MICALL2: variants seen among roughly 807,000 people sequenced by gnomAD.
The protein encoded by MICALL2 is MICAL like 2.
MICALL2 carries 111 observed loss-of-function variants against 91.1 expected under a neutral mutation model. The ratio of observed to expected loss-of-function variants is 1.22; its 90% confidence interval spans 1.04 to 1.43. MICALL2 has a LOEUF of 1.43. Ranked by LOEUF, MICALL2 falls within the 40% of genes most tolerant of loss-of-function variation. The pLI, the probability that MICALL2 is intolerant of heterozygous loss-of-function variation, is 0.00. For missense variants in MICALL2, 1,556 were observed against 1,236.0 expected, an observed-to-expected ratio of 1.26 and a Z score of -3.88; for synonymous variants, 694 against 525.3, an observed-to-expected ratio of 1.32 and a Z score of -4.39.
chr7:1,440,515 G>A, intron 8 of MICALL2, 76 bp downstream of exon 8: 1 of 1,318,652 alleles, frequency 7.6e-7, no homozygotes. Context: ...GTGTCAATCG[G>A]TCGATTACAT....
At chr7:1,450,176 G>A (rs549736150) in intron 2 of MICALL2, 64 bp downstream of exon 2, 12 of 1,372,986 alleles carry the variant, frequency 8.7e-6, no homozygotes, top group African/African-American at 1.4e-5. Context: ...TCGGTCCCTC[G>A]GACGTGGGTG....
Position 1,445,369 on chromosome 7 carries a change from C to CA in MICALL2, c.700_701insT (p.Gly234ValfsTer91), listed in dbSNP as rs1780525325. 1 of 1,588,146 alleles carries CA rather than the reference C, an allele frequency of 6.3e-7. No homozygotes were observed. The highest frequency in any genetic ancestry group is 8.5e-7 in the Non-Finnish European group (1 of 1,173,032). ...GAGGTGGCTGGTGCAGACGAAGGTGCCCGGCTCTCCTGTGGCCTTGTAGGC... is the reference window on the plus strand; with the variant it reads ...GAGGTGGCTGGTGCAGACGAAGGTGCACCGGCTCTCCTGTGGCCTTGTAGGC... On this transcript the variant is annotated frameshift_variant, in exon 6 of 17. Transcript: ENST00000297508. LOFTEE classifies it high-confidence loss of function.
chr7:1,446,801 T>C lies in MICALL2; in HGVS notation c.553A>G (p.Ser185Gly). The C allele has an allele frequency of 6.2e-7, 1 of 1,601,754 alleles. No homozygotes were observed. The highest frequency in any genetic ancestry group is 8.5e-7 in the Non-Finnish European group (1 of 1,174,594). The part of the protein sequence containing the change: ...TDQALAGSLV[S>G]STCGVCGKHV... ...TTGCCGCAGACCCCGCAGGTGCTGCTGACCAAGCTGCCCGCCAATGCCTGG... is the reference window on the plus strand; with the variant it reads ...TTGCCGCAGACCCCGCAGGTGCTGCCGACCAAGCTGCCCGCCAATGCCTGG... The change falls in exon 5 of 17, where the codon AGC becomes GGC. Residue 185 changes from serine to glycine, a missense_variant. Coordinates refer to ENST00000297508, the MANE Select transcript of MICALL2 (RefSeq NM_182924.4).
intron 1 of MICALL2, among the ~76,000 whole-genome samples, chr7:1,455,866 T>G (rs1407459543): frequency 6.6e-6 from 1 of 151,962 alleles, no homozygotes; most frequent in East Asian, 1.9e-4. Flanking sequence ...GGGTCTTCAC[T>G]GGAAGGAGAG....
chr7:1,438,167 G>T lies in MICALL2; in HGVS notation c.2241C>A (p.Ile747=). 6.4e-7 allele frequency: 1 copy of T among 1,567,224 alleles called. No individual in the cohort carries two copies. Among genetic ancestry groups the T allele is most frequent in the Non-Finnish European group, 8.6e-7 (1 of 1,156,144 alleles). The change falls in exon 12 of 17, where the codon ATC becomes ATA. Residue 747 remains isoleucine (I), a synonymous_variant. Transcript: ENST00000297508. ...GCTCCAGGGCGTCCAGCCGCCTCTC[G>T]ATGTCCTGCAGCTGCCTCTGTATCT... The part of the protein sequence containing the change: ...PEEIQRQLQD[I]ERRLDALELR...
intron 5 of MICALL2, 113 bp from the exon 6 acceptor site, chr7:1,445,541 G>A: frequency 9.5e-7 from 1 of 1,053,858 alleles, no homozygotes; most frequent in Non-Finnish European, 1.3e-6. Context: ...TTGCGAGGTT[G>A]CTGAACGCCC....
chr7:1,459,148 CA>C (rs1452056260), intron 1 of MICALL2, 35 bp downstream of exon 1: 26 of 1,584,488 alleles, frequency 1.6e-5, no homozygotes, highest in Non-Finnish European at 2.0e-5. Context: ...CGCAGCCGAA[CA>C]GCAGAAGAAT....
intron 8 of MICALL2, chr7:1,440,363 G>T (rs1013106264): frequency 1.6e-6 from 1 of 625,558 alleles, no homozygotes; most frequent in Non-Finnish European, 2.8e-6. Flanking sequence ...GGCATGGTGC[G>T]TGAACCCACA....
rs1562466473 is a variant in MICALL2 at position 1,451,052 on chromosome 7, G to A, written c.144-764C>T. On this transcript the variant is annotated intron_variant, in intron 1 of 16. Transcript: ENST00000297508. This position sits in a 1 kb window ranked among gnomAD's most constrained non-coding sequence, Gnocchi z 4.5. ...CATGGTTCTCTCTTTGGGTGGTGGA[G>A]TGCCTTCCCAGGTGCTCAGCGAGGG... Among the ~76,000 whole-genome samples, 2 of 152,190 alleles carry A rather than the reference G, an allele frequency of 1.3e-5. No homozygotes were observed. The highest frequency in any genetic ancestry group is 2.9e-5 in the Non-Finnish European group (2 of 68,020).
chr7:1,445,463 C>A, intron 5 of MICALL2, 35 bp from the exon 6 acceptor site: 1 of 1,458,684 alleles, frequency 6.9e-7, no homozygotes, highest in Non-Finnish European at 9.0e-7. Flanking sequence ...CCCAGCTCGG[C>A]ACCGCCCACC....
intron 10 of MICALL2, 24 bp from the exon 11 acceptor site, chr7:1,438,377 T>A (rs777693310): frequency 6.3e-7 from 1 of 1,588,472 alleles, no homozygotes; most frequent in South Asian, 1.1e-5. Context: ...AGGGTGAGCC[T>A]CTGGGACCTG....
chr7:1,439,828 C>A, intron 9 of MICALL2, 97 bp downstream of exon 9: 1 of 1,115,422 alleles, frequency 9.0e-7, no homozygotes, highest in Non-Finnish European at 1.2e-6. Context: ...TCCGCACACC[C>A]CAGGAGGTGG....
rs139735568 is a variant in MICALL2 at position 1,442,243 on chromosome 7, G to A, written c.1660C>T (p.Pro554Ser). ...GVGRVGAGSR[P>S]KPEAPMAKGK... ...TTTGCCATCGGGGCCTCTGGCTTCG[G>A]CCTGGAGCCAGCACCCACCCTGCCG... Residue 554 changes from proline (P) to serine (S), a missense_variant, in exon 7 of 17, where the codon CCG becomes TCG. Pro to Ser is a moderately conservative substitution (Grantham distance 74, BLOSUM62 -1). Coordinates refer to ENST00000297508, the MANE Select transcript of MICALL2 (RefSeq NM_182924.4). The A allele has an allele frequency of 3.1e-6, 5 of 1,612,694 alleles. No individual in the cohort carries two copies. In the African/African-American group the frequency reaches 5.3e-5, roughly 17 times the overall value.
At chr7:1,457,764 G>T (rs1449932321) in intron 1 of MICALL2, among the ~76,000 whole-genome samples, 1 of 152,242 alleles carries the variant, frequency 6.6e-6, no homozygotes, top group African/African-American at 2.4e-5. Context: ...GCAGCCGGTG[G>T]CAACGCCTCT....
At position 1,452,974 on chromosome 7, in the gene MICALL2, CGATGCACCCGCCAGGCCCTCCCCA is replaced by C. The variant is rs1160863734; in HGVS notation, c.144-2710_144-2687del. Reference sequence around the variant, plus strand: ...AGAACAGCTTTTCCCACACTCCGCCCGATGCACCCGCCAGGCCCTCCCCAGATGCACCTTGCTGTCCCCGAGCTC... The same window carrying C: ...AGAACAGCTTTTCCCACACTCCGCCCGATGCACCTTGCTGTCCCCGAGCTC... On this transcript the variant is annotated intron_variant, in intron 1 of 16. Coordinates refer to ENST00000297508, the MANE Select transcript of MICALL2 (RefSeq NM_182924.4). The surrounding 1 kb of genome is among the most constrained non-coding windows in gnomAD (Gnocchi z 6.2). Among the ~76,000 whole-genome samples, 12 of 151,878 alleles carry C rather than the reference CGATGCACCCGCCAGGCCCTCCCCA, an allele frequency of 7.9e-5. No individual in the cohort carries two copies. The highest frequency in any genetic ancestry group is 2.4e-4 in the African/African-American group (10 of 41,338).
chr7:1,458,931 C>T (rs1781113605), intron 1 of MICALL2, among the ~76,000 whole-genome samples: 1 of 152,218 alleles, frequency 6.6e-6, no homozygotes, highest in Admixed American at 6.5e-5. Flanking sequence ...GAAGCCAGGG[C>T]CCAGGAGCCG....
intron 2 of MICALL2, among the ~76,000 whole-genome samples, chr7:1,449,483 G>C (rs114015486): frequency 0.042 from 6,467 of 152,222 alleles, 450 homozygotes; most frequent in African/African-American, 0.15. Context: ...CTAATTTTTG[G>C]TATTTTTAGT....
chr7:1,439,901 C>A (rs779327645), intron 9 of MICALL2, 24 bp downstream of exon 9: 3 of 1,411,276 alleles, frequency 2.1e-6, no homozygotes, highest in Middle Eastern at 2.2e-4. Context: ...AACCCGGGGG[C>A]CCCTGGGTCC....
At position 1,445,255 on chromosome 7, in the gene MICALL2, G is replaced by A. The variant is rs138634207; in HGVS notation, c.815C>T (p.Ser272Phe). ...AMGVDSRTSC[S>F]PQKAQEANKA... ...GTTTGCCTCCTGGGCCTTCTGTGGG[G>A]AACAGGAGGTCCTGGAATCCACACC... is the stretch of plus-strand genomic sequence containing the variant. The change falls in exon 6 of 17, where the codon TCC (serine) becomes TTC (phenylalanine). Residue 272 changes from serine to phenylalanine, a missense_variant. By Grantham distance (155) the Ser-to-Phe change is radical (BLOSUM62 -2). Coordinates refer to ENST00000297508, the MANE Select transcript of MICALL2 (RefSeq NM_182924.4). 1.3e-3 allele frequency: 2,146 copies of A among 1,612,406 alleles called. 3 individuals carry two copies. Among genetic ancestry groups the A allele is most frequent in the Non-Finnish European group, 1.4e-3 (1,704 of 1,179,820 alleles).
Sources: allele counts gnomAD v4.1 joint callset (sites outside exome capture counted in the v4.1 genomes callset), GRCh38; gene constraint gnomAD v4.1.1; non-coding constraint Gnocchi (gnomAD v3.1); transcripts MANE v1.5; gene names NCBI Gene and HGNC (gene_info 2026-07-23, HGNC 2026-07-21).